Variants in FBXL13 observed in about 807,000 individuals in gnomAD.
FBXL13 encodes F-box and leucine-rich repeat protein 13.
FBXL13 carries 67 observed loss-of-function variants against 83.6 expected under a neutral mutation model. That is an observed-to-expected ratio of 0.80 (90% CI 0.66 to 0.98). The LOEUF is 0.98. FBXL13 is among the 50% of genes least tolerant of loss of function. The probability of loss-of-function intolerance (pLI) is 0.00; values close to 1 mark genes in which losing one functional copy is unlikely to be tolerated. For synonymous variants in FBXL13, 272 were observed against 299.5 expected, an observed-to-expected ratio of 0.91 and a Z score of 0.95; for missense variants, 822 against 866.5, an observed-to-expected ratio of 0.95 and a Z score of 0.64.
intron 2 of FBXL13, among the ~76,000 whole-genome samples, chr7:103,041,623 C>G (rs1364408490): frequency 6.6e-6 from 1 of 152,212 alleles, no homozygotes; most frequent in Non-Finnish European, 1.5e-5. Context: ...GCTTATCCAC[C>G]ACAATCAAGT....
exon 1 of FBXL13, chr7:103,074,469 C>G: frequency 8.8e-7 from 1 of 1,136,232 alleles, no homozygotes; most frequent in South Asian, 1.8e-5. Flanking sequence ...GTCACCCATT[C>G]CCCACGTGCA....
At chr7:102,893,253 T>C (rs1811760236) in intron 11 of FBXL13, among the ~76,000 whole-genome samples, 1 of 152,204 alleles carries the variant, frequency 6.6e-6, no homozygotes, top group Admixed American at 6.5e-5. Context: ...AAAATAAGAT[T>C]CACTATTCTT....
intron 19 of FBXL13, among the ~76,000 whole-genome samples, chr7:102,813,792 A>G (rs1463025793): frequency 1.3e-5 from 2 of 152,198 alleles, no homozygotes; most frequent in Non-Finnish European, 2.9e-5. Flanking sequence ...GCCATGGAAG[A>G]GGAACACTGA....
intron 10 of FBXL13, among the ~76,000 whole-genome samples, chr7:102,921,013 G>C (rs951506980): frequency 6.6e-6 from 1 of 151,984 alleles, no homozygotes; most frequent in Non-Finnish European, 1.5e-5. Flanking sequence ...TTAGCCTGGC[G>C]TGGTGGCGGG....
intron 18 of FBXL13, among the ~76,000 whole-genome samples, chr7:102,830,031 G>A (rs531550055): frequency 6.6e-6 from 1 of 152,104 alleles, no homozygotes. Context: ...TTGTATCAGC[G>A]TTCTAAAATA....
intron 8 of FBXL13, among the ~76,000 whole-genome samples, chr7:102,950,400 T>C (rs957965010): frequency 7.2e-5 from 11 of 152,214 alleles, no homozygotes; most frequent in African/African-American, 2.2e-4. Context: ...CTCTCATTCA[T>C]TGCTGATGAG....
chr7:103,067,252 A>G (rs1798491389), intron 1 of FBXL13, among the ~76,000 whole-genome samples: 1 of 152,178 alleles, frequency 6.6e-6, no homozygotes, highest in African/African-American at 2.4e-5. Context: ...ACTGCTGGAT[A>G]TTTGAGTTTT....
intron 7 of FBXL13, among the ~76,000 whole-genome samples, chr7:102,965,338 G>A (rs1240657061): frequency 2.0e-5 from 3 of 152,036 alleles, no homozygotes; most frequent in African/African-American, 4.8e-5. Context: ...TCTGTAAAAT[G>A]GGAAAAATAA....
rs2129458192 is a variant in FBXL13 at position 102,878,457 on chromosome 7, G to A, written c.1389-7C>T. The stretch of plus-strand genomic sequence containing the variant: ...TAGTCCCATATCACCAATTCTGTAG[G>A]AAAGAGAGAAAAATTTTACATGTGA... On this transcript the variant is annotated splice_polypyrimidine_tract_variant and splice_region_variant and intron_variant, in intron 14 of 19. Transcript: ENST00000313221. 1 of 1,557,290 alleles carries A rather than the reference G, an allele frequency of 6.4e-7. No individual in the cohort carries two copies. Among genetic ancestry groups the A allele is most frequent in the South Asian group, 1.2e-5 (1 of 82,240 alleles).
At chr7:102,949,006 C>T (rs1822986460) in intron 8 of FBXL13, among the ~76,000 whole-genome samples, 1 of 152,150 alleles carries the variant, frequency 6.6e-6, no homozygotes, top group Non-Finnish European at 1.5e-5. Context: ...GCCACTGTGC[C>T]CAGCCTTAAA....
Position 102,892,367 on chromosome 7 carries a change from A to T in FBXL13, c.1009-8055T>A, listed in dbSNP as rs539917306. On this transcript the variant is annotated intron_variant, in intron 11 of 19. Transcript: ENST00000313221. ...TTACTTTCTTTAATTTTTAATTTTC[A>T]CTATGAACATAACTGTTATGTTCCA... Among the ~76,000 whole-genome samples, 3 of 152,308 alleles carry T rather than the reference A, an allele frequency of 2.0e-5. No individual in the cohort carries two copies. The South Asian group carries it at 6.2e-4, about 32-fold the overall frequency.
chr7:102,934,716 T>A, intron 8 of FBXL13: 1 of 1,521,408 alleles, frequency 6.6e-7, no homozygotes, highest in African/African-American at 1.4e-5. Context: ...TTCATTTTCA[T>A]GAATAACTTG....
chr7:102,845,237 T>C (rs1162257585), intron 17 of FBXL13, among the ~76,000 whole-genome samples: 6 of 151,970 alleles, frequency 3.9e-5, no homozygotes, highest in Admixed American at 2.0e-4. Flanking sequence ...AACCAAGAAC[T>C]CACCAAGAGT....
At chr7:102,900,054 T>G (rs1812775796) in intron 11 of FBXL13, among the ~76,000 whole-genome samples, 1 of 152,038 alleles carries the variant, frequency 6.6e-6, no homozygotes. Context: ...CTCAAAAAAA[T>G]AAAATAAAAT....
intron 18 of FBXL13, among the ~76,000 whole-genome samples, chr7:102,828,236 G>A (rs1385682022): frequency 6.6e-6 from 1 of 152,108 alleles, no homozygotes; most frequent in Admixed American, 6.5e-5. Flanking sequence ...TCTTCCATTT[G>A]TTTGTATCCT....
intron 18 of FBXL13, among the ~76,000 whole-genome samples, chr7:102,823,206 T>C (rs535999721): frequency 6.6e-6 from 1 of 152,330 alleles, no homozygotes; most frequent in African/African-American, 2.4e-5. Flanking sequence ...TGAAATGCTA[T>C]AGAGATGGGA....
At chr7:102,973,599 G>C (rs761312108) in intron 6 of FBXL13, 6 of 765,774 alleles carry the variant, frequency 7.8e-6, no homozygotes, top group Non-Finnish European at 1.4e-5. Context: ...GAGTTTGAAC[G>C]GATACAAGAA....
At chr7:102,874,243 A>C (rs985735032) in intron 16 of FBXL13, 19 of 619,754 alleles carry the variant, frequency 3.1e-5, no homozygotes, top group Non-Finnish European at 3.6e-5. Flanking sequence ...GCACTTACTC[A>C]GACCTATAAT....
intron 1 of FBXL13, among the ~76,000 whole-genome samples, chr7:103,056,348 T>C (rs1797334048): frequency 6.6e-6 from 1 of 152,214 alleles, no homozygotes; most frequent in Admixed American, 6.5e-5. Flanking sequence ...ATCTTTTTCA[T>C]ATAATAACTT....
Sources: allele counts gnomAD v4.1 joint callset (sites outside exome capture counted in the v4.1 genomes callset), GRCh38; gene constraint gnomAD v4.1.1; transcripts MANE v1.5; gene names NCBI Gene and HGNC (gene_info 2026-07-23, HGNC 2026-07-21).